The following CACNA1E variants were observed in gnomAD, a reference collection of about 807,000 sequenced individuals.
CACNA1E encodes voltage-dependent R-type calcium channel subunit alpha-1E.
CACNA1E carries 40 observed loss-of-function variants against 259.2 expected under a neutral mutation model. The ratio of observed to expected loss-of-function variants is 0.15; its 90% CI spans 0.12 to 0.20. The LOEUF is 0.20. Ranked by LOEUF, CACNA1E falls within the 10% of genes least tolerant of loss-of-function variation. The probability of loss-of-function intolerance (pLI) is 1.00; values close to 1 mark genes in which losing one functional copy is unlikely to be tolerated. For synonymous variants in CACNA1E, 1,104 were observed against 1,138.5 expected (o/e 0.97, Z 0.61); for missense variants, 1,874 against 3,040.1 (o/e 0.62, Z 9.02).
At chr1:181,766,273 TC>T (rs1659015399) in intron 34 of CACNA1E, among the ~76,000 whole-genome samples, 1 of 152,192 alleles carries the variant, frequency 6.6e-6, no homozygotes, top group Admixed American at 6.5e-5. Context: ...CAGCTTTCCT[TC>T]TAGATATGGG....
chr1:181,727,571 C>T (rs1008111962), intron 18 of CACNA1E, among the ~76,000 whole-genome samples: 1 of 152,194 alleles, frequency 6.6e-6, no homozygotes, highest in African/African-American at 2.4e-5. Flanking sequence ...AGGGATCTAG[C>T]CTGGACCTGT....
chr1:181,499,259 T>C (rs1665038878), intron 1 of CACNA1E, among the ~76,000 whole-genome samples: 1 of 152,228 alleles, frequency 6.6e-6, no homozygotes, highest in African/African-American at 2.4e-5. Flanking sequence ...GACTCTGCCC[T>C]GAGAGGTAGC....
chr1:181,417,906 TCCATGTGGAGTCTGTTG>T, intron 2 of CACNA1E, among the ~76,000 whole-genome samples: 1 of 152,302 alleles, frequency 6.6e-6, no homozygotes, highest in East Asian at 1.9e-4. Context: ...CCCCTCAAGT[TCCATGTGGAGTCTGTTG>T]CCCATGTAGA....
chr1:181,320,174 C>T (rs774756026), intron 1 of CACNA1E, among the ~76,000 whole-genome samples: 4 of 152,140 alleles, frequency 2.6e-5, no homozygotes, highest in African/African-American at 4.8e-5. Flanking sequence ...GCTGTCACAG[C>T]GCCTCCACTC....
At chr1:181,413,783 C>T (rs889231026) in intron 2 of CACNA1E, among the ~76,000 whole-genome samples, 1 of 152,212 alleles carries the variant, frequency 6.6e-6, no homozygotes, top group African/African-American at 2.4e-5. Flanking sequence ...TAGGCCTCGT[C>T]CAGCCTCACT....
chr1:181,746,573 C>G (rs929965689), intron 25 of CACNA1E, among the ~76,000 whole-genome samples: 2 of 152,192 alleles, frequency 1.3e-5, no homozygotes, highest in African/African-American at 4.8e-5. Context: ...CCTCAACCTA[C>G]AGATCCTTCT....
rs986236908 is a variant in CACNA1E at position 181,720,178 on chromosome 1, C to G, written c.1752-28C>G. On this transcript the variant is annotated intron_variant, in intron 13 of 47. Coordinates refer to ENST00000367573, the MANE Select transcript of CACNA1E (RefSeq NM_001205293.3). ...TGGGTGACTTGGTATGCAGTGTTCA[C>G]AGCTGTCACATTGTCTGGGTTTTGT... 5 of 1,613,490 alleles carry G rather than the reference C, an allele frequency of 3.1e-6. No individual in the cohort carries two copies. The Admixed American group carries it at 5.0e-5, about 16-fold the overall frequency.
chr1:181,532,852 A>G (rs564502452), intron 3 of CACNA1E, among the ~76,000 whole-genome samples: 2 of 152,138 alleles, frequency 1.3e-5, no homozygotes, highest in Non-Finnish European at 2.9e-5. Context: ...TTCCTTGTCT[A>G]TCTCCTTTAC....
At chr1:181,642,462 T>A (rs758663532) in intron 6 of CACNA1E, among the ~76,000 whole-genome samples, 1 of 152,150 alleles carries the variant, frequency 6.6e-6, no homozygotes, top group African/African-American at 2.4e-5. Flanking sequence ...TCCAGCATGT[T>A]CTTTCTGGAA....
chr1:181,607,625 A>T (rs1654357605), intron 6 of CACNA1E, among the ~76,000 whole-genome samples: 1 of 152,230 alleles, frequency 6.6e-6, no homozygotes, highest in Non-Finnish European at 1.5e-5. Context: ...TAATGGTAAT[A>T]ATACCTTGTC....
intron 41 of CACNA1E, 137 bp from the exon 42 acceptor site, chr1:181,785,181 C>G: frequency 1.5e-6 from 1 of 653,758 alleles, no homozygotes; most frequent in South Asian, 1.8e-5. Flanking sequence ...ACCATGGGGG[C>G]CCTCAATATA....
rs748550042 is a variant in CACNA1E, at chr1:181,793,898, C to T, written c.6027+105C>T. On this transcript the variant is annotated intron_variant, in intron 45 of 47. Coordinates refer to ENST00000367573, the MANE Select transcript of CACNA1E (RefSeq NM_001205293.3). The stretch of plus-strand genomic sequence containing the variant: ...AGGTGAGCCGTTGACTTGCCCGCAC[C>T]CCTTCCCTATAAATAAAACCTGGCT... 192 of 1,226,140 alleles carry T rather than the reference C, an allele frequency of 1.6e-4. 1 individual carries two copies. The highest frequency in any genetic ancestry group is 2.0e-4 in the Non-Finnish European group (184 of 899,390). The allele number at this position is 1,226,140 out of a possible 1,614,324, so 76.0% of individuals were successfully genotyped here.
At position 181,656,154 on chromosome 1, in the gene CACNA1E, A is replaced by T. The variant is rs771035686; in HGVS notation, c.1055+4713A>T. Among the ~76,000 whole-genome samples the T allele has an allele frequency of 8.6e-4, 131 of 152,232 alleles. 2 individuals are homozygous for T. The highest frequency in any genetic ancestry group is 5.8e-3 in the Admixed American group (88 of 15,280). ...GGCATTTACTTTCAATTGTTATTTT[A>T]CAATTTATTCCTACTTATTTTTAAA... is the stretch of plus-strand genomic sequence containing the variant. On this transcript the variant is annotated intron_variant, in intron 7 of 47. Transcript: ENST00000367573.
intron 2 of CACNA1E, among the ~76,000 whole-genome samples, chr1:181,426,769 C>T (rs1302003243): frequency 1.4e-5 from 2 of 143,076 alleles, no homozygotes; most frequent in African/African-American, 5.5e-5. Context: ...CCCTGTCAAT[C>T]TCAACCCCTT....
chr1:181,467,247 G>T (rs1037269589), intron 2 of CACNA1E, among the ~76,000 whole-genome samples: 1 of 152,208 alleles, frequency 6.6e-6, no homozygotes, highest in African/African-American at 2.4e-5. Context: ...AGCTTTCAAA[G>T]GGTGTTGTTG....
chr1:181,426,774 C>T lies in CACNA1E; in HGVS notation c.434+13194C>T, dbSNP rs574414633. On this transcript the variant is annotated intron_variant, in intron 2 of 11. Coordinates refer to the CACNA1E transcript ENST00000524607. The stretch of plus-strand genomic sequence containing the variant: ...CCGTCTCAACCCCTGTCAATCTCAA[C>T]CCCTTCACAACTCAACCCCTTCCTA... Among the ~76,000 whole-genome samples, 22 of 149,406 alleles carry T rather than the reference C, an allele frequency of 1.5e-4. No individual in the cohort carries two copies. The East Asian group carries it at 4.5e-3, about 31-fold the overall frequency.
rs2102847495 is a variant in CACNA1E at position 181,785,784 on chromosome 1, C to A, written c.5751C>A (p.Ala1917=). 1.2e-6 allele frequency: 2 copies of A among 1,612,116 alleles called. No individual in the cohort carries two copies. The highest frequency in any genetic ancestry group is 2.2e-5 in the East Asian group (1 of 44,866). The change falls in exon 43 of 48, where the codon GCC becomes GCA. Residue 1917 remains alanine (A), a synonymous_variant. Transcript: ENST00000367573. The stretch of plus-strand genomic sequence containing the variant: ...AGGAGATCATTGCTAATGCCAAAGC[C>A]CTGCCTTACCTCCAGCAGGACCCCG... ...LPQEIIANAK[A]LPYLQQDPVS...
intron 39 of CACNA1E, among the ~76,000 whole-genome samples, chr1:181,783,078 C>G (rs1046354252): frequency 6.6e-6 from 1 of 152,158 alleles, no homozygotes; most frequent in African/African-American, 2.4e-5. Context: ...CACTCTCCCC[C>G]TTGTCCATCC....
chr1:181,736,712 T>G (rs1355427048), intron 22 of CACNA1E, among the ~76,000 whole-genome samples: 1 of 152,194 alleles, frequency 6.6e-6, no homozygotes, highest in African/African-American at 2.4e-5. Context: ...CAGTCTTTGG[T>G]CAGTAGGTAG....
Sources: gnomAD v4.1 joint callset for allele counts (sites outside exome capture counted in the v4.1 genomes callset) on GRCh38, gnomAD v4.1.1 for gene constraint, MANE v1.5 for transcripts, NCBI Gene and HGNC (gene_info 2026-07-23, HGNC 2026-07-21) for gene names.